The following WFDC12 variants were observed in gnomAD, a reference collection of about 807,000 sequenced individuals.
The protein encoded by WFDC12 is WAP four-disulfide core domain protein 12.
In WFDC12, 4 loss-of-function variants were observed where a neutral mutation model predicts 7.3. That is an observed-to-expected ratio of 0.55 (90% CI 0.27 to 1.25). The LOEUF (loss-of-function observed/expected upper bound fraction) is 1.25, where lower values mean the gene tolerates loss of function less well. WFDC12 is among the 50% of genes most tolerant of loss of function. The probability of loss-of-function intolerance (pLI) is 0.12; values close to 1 mark genes in which losing one functional copy is unlikely to be tolerated. For synonymous variants in WFDC12, 48 were observed against 49.5 expected, an observed-to-expected ratio of 0.97 and a Z score of 0.13; for missense variants, 156 against 134.4, an observed-to-expected ratio of 1.16 and a Z score of -0.80.
chr20:45,123,899 C>G lies in WFDC12; in HGVS notation c.283G>C (p.Gly95Arg). ...EDVSRPYPEP[G>R]WEAKCPGSSS... ...GAGCCTGGACACTTGGCCTCCCATC[C>G]TGGCTCAGGGTATGGCCTTGACACA... The change falls in exon 3 of 3, where the codon GGA becomes CGA. Residue 95 changes from glycine (G) to arginine (R), a missense_variant. Coordinates refer to ENST00000372785, the MANE Select transcript of WFDC12 (RefSeq NM_080869.2). 11 of 1,613,722 alleles carry G rather than the reference C, an allele frequency of 6.8e-6. No individual in the cohort carries two copies. Among genetic ancestry groups the G allele is most frequent in the Non-Finnish European group, 9.3e-6 (11 of 1,179,992 alleles).
chr20:45,124,025 G>C (rs192690924), intron 2 of WFDC12, 82 bp from the exon 3 acceptor site: 2 of 1,604,378 alleles, frequency 1.2e-6, no homozygotes, highest in African/African-American at 2.7e-5. Flanking sequence ...ACCAGCTAAA[G>C]GGACTAATTC....
Position 45,123,606 on chromosome 20 carries a change from T to G in WFDC12, c.*240A>C, listed in dbSNP as rs1321933927. The G allele has an allele frequency of 5.3e-6, 3 of 565,062 alleles. No individual in the cohort carries two copies. The highest frequency in any genetic ancestry group is 9.5e-6 in the Non-Finnish European group (3 of 317,076). 35.0% of individuals were successfully genotyped at this position (565,062 alleles called of 1,614,324 possible). A position where few individuals can be genotyped will look rare whatever the true frequency, so the allele number is the denominator to read the frequency against. Reference sequence around the variant, plus strand: ...TCTTTGGGGTCTCTTATAAGGGCACTGGTTTCATTCATGAGGGGTCCATTC... The same window carrying G: ...TCTTTGGGGTCTCTTATAAGGGCACGGGTTTCATTCATGAGGGGTCCATTC... On this transcript the variant is annotated 3_prime_UTR_variant, in exon 3 of 3. Coordinates refer to ENST00000372785, the MANE Select transcript of WFDC12 (RefSeq NM_080869.2).
Position 45,124,442 on chromosome 20 carries a change from C to G in WFDC12, c.6G>C (p.Gly2=). The G allele has an allele frequency of 1.2e-6, 2 of 1,614,168 alleles. No individual in the cohort carries two copies. Among genetic ancestry groups the G allele is most frequent in the Non-Finnish European group, 1.7e-6 (2 of 1,180,030 alleles). M[G]SSSFLVLMVS... ...CCATGAGGACCAAGAAGCTGCTGGA[C>G]CCCATGTTGCCAGGCAGGTGCTTGG... The change falls in exon 1 of 3, where the codon GGG becomes GGC. Residue 2 remains glycine, a synonymous_variant. Transcript: ENST00000372785.
rs763939278 is a variant in WFDC12, at chr20:45,124,460, G to C, written c.-13C>G. 1.9e-6 allele frequency: 3 copies of C among 1,614,144 alleles called. No individual in the cohort carries two copies. Among genetic ancestry groups the C allele is most frequent in the Non-Finnish European group, 2.5e-6 (3 of 1,179,996 alleles). The stretch of plus-strand genomic sequence containing the variant: ...TGCTGGACCCCATGTTGCCAGGCAG[G>C]TGCTTGGCTGGGAGCTGGGCTGAGC... On this transcript the variant is annotated 5_prime_UTR_variant, in exon 1 of 3. Transcript: ENST00000372785.
In WFDC12 at chr20:45,124,269, G is replaced by A. The variant is rs183825258; in HGVS notation, c.80-4C>T. ...CAAACCCCTGCTTTCTCTATACCTA[G>A]TGGAGGAAGCCACAAGGTGATATGA... On this transcript the variant is annotated splice_region_variant and splice_polypyrimidine_tract_variant and intron_variant, in intron 1 of 2. Transcript: ENST00000372785. The A allele has an allele frequency of 1.9e-6, 3 of 1,614,152 alleles. No individual in the cohort carries two copies. The highest frequency in any genetic ancestry group is 1.7e-5 in the Admixed American group (1 of 60,028).
rs1273474737 is a variant in WFDC12 at position 45,123,881 on chromosome 20, G to T, written c.301C>A (p.Pro101Thr). 1.2e-6 allele frequency: 2 copies of T among 1,613,452 alleles called. No homozygotes were observed. The highest frequency in any genetic ancestry group is 8.5e-7 in the Non-Finnish European group (1 of 1,180,014). ...YPEPGWEAKC[P>T]GSSSTRCPQK ...GGACACCTGGTAGAGGAGGAGCCTG[G>T]ACACTTGGCCTCCCATCCTGGCTCA... Residue 101 changes from proline (P) to threonine (T), a missense_variant, in exon 3 of 3, where the codon CCA becomes ACA. Physicochemically the swap from Pro to Thr is conservative, Grantham distance 38 (BLOSUM62 -1). Transcript: ENST00000372785.
chr20:45,123,682 G>A lies in WFDC12; in HGVS notation c.*164C>T, dbSNP rs1272178232. On this transcript the variant is annotated 3_prime_UTR_variant, in exon 3 of 3. Transcript: ENST00000372785. ...TAGAGAGGGAAAGTACCGTCCCTGG[G>A]GTCTGGACTTTTTGTGACTCTTCCC... 1.4e-6 allele frequency: 1 copy of A among 729,618 alleles called. No individual in the cohort carries two copies. Among genetic ancestry groups the A allele is most frequent in the African/African-American group, 1.8e-5 (1 of 57,038 alleles). 45.2% of individuals were successfully genotyped at this position (729,618 alleles called of 1,614,324 possible). A position where few individuals can be genotyped will look rare whatever the true frequency, so the allele number is the denominator to read the frequency against.
At chr20:45,124,078 C>T in intron 2 of WFDC12, 29 bp downstream of exon 2, 1 of 1,612,992 alleles carries the variant, frequency 6.2e-7, no homozygotes, top group Non-Finnish European at 8.5e-7. Flanking sequence ...GAAGGGACAG[C>T]CCCAGCCCTG....
Position 45,124,199 on chromosome 20 carries a change from C to T in WFDC12, c.146G>A (p.Cys49Tyr). The change falls in exon 2 of 3, where the codon TGT (cysteine) becomes TAT (tyrosine). Residue 49 changes from cysteine to tyrosine, a missense_variant. Transcript: ENST00000372785. ...VRCFKSDPPQ[C>Y]HTDQDCLGER... ...CCCCAGACAGTCCTGGTCTGTGTGA[C>T]ACTGGGGAGGATCGGACTTGAAGCA... The T allele has an allele frequency of 1.2e-6, 2 of 1,614,244 alleles. No individual in the cohort carries two copies. The highest frequency in any genetic ancestry group is 1.7e-6 in the Non-Finnish European group (2 of 1,180,052).
rs1365418420 is a variant in WFDC12 at position 45,123,483 on chromosome 20, T to C, written c.*363A>G. On this transcript the variant is annotated 3_prime_UTR_variant, in exon 3 of 3. Coordinates refer to ENST00000372785, the MANE Select transcript of WFDC12 (RefSeq NM_080869.2). ...GTTCTAGAGGCTGGGAAGTCCAAGA[T>C]CAAGGCACCAGCAGATTCAGCATCT... 3.8e-6 allele frequency: 1 copy of C among 265,222 alleles called. No individual in the cohort carries two copies. Among genetic ancestry groups the C allele is most frequent in the African/African-American group, 2.2e-5 (1 of 44,744 alleles). 16.4% of individuals were successfully genotyped at this position (265,222 alleles called of 1,614,324 possible). A position where few individuals can be genotyped will look rare whatever the true frequency, so the allele number is the denominator to read the frequency against.
Position 45,124,350 on chromosome 20 carries a change from C to G in WFDC12, c.79+19G>C. On this transcript the variant is annotated intron_variant, in intron 1 of 2. Coordinates refer to ENST00000372785, the MANE Select transcript of WFDC12 (RefSeq NM_080869.2). ...CTCTCCCCAGCCCAGCCCCACCCAG[C>G]TCCACCATGTCTGCTCACCCTCTTT... 1 of 1,614,246 alleles carries G rather than the reference C, an allele frequency of 6.2e-7. No homozygotes were observed. Among genetic ancestry groups the G allele is most frequent in the South Asian group, 1.1e-5 (1 of 91,092 alleles).
At chr20:45,124,313 G>A in intron 1 of WFDC12, 48 bp from the exon 2 acceptor site, 2 of 1,613,890 alleles carry the variant, frequency 1.2e-6, no homozygotes, top group Non-Finnish European at 1.7e-6. Flanking sequence ...GCCCCAGAGG[G>A]CCCCTCAGGA....
chr20:45,124,320 A>G (rs941670222), intron 1 of WFDC12, 49 bp downstream of exon 1: 2 of 1,613,974 alleles, frequency 1.2e-6, no homozygotes, highest in Non-Finnish European at 8.5e-7. Flanking sequence ...AGGGCCCCTC[A>G]GGACCTCTCC....
At position 45,124,169 on chromosome 20, in the gene WFDC12, C is replaced by A; in HGVS notation, c.176G>T (p.Arg59Met). Residue 59 changes from arginine to methionine, a missense_variant, in exon 2 of 3, where the codon AGG (arginine) becomes ATG (methionine). By Grantham distance (91) the Arg-to-Met change is moderately conservative. Coordinates refer to ENST00000372785, the MANE Select transcript of WFDC12 (RefSeq NM_080869.2). ...GCCACAGTGCAGGTAACAACACTTCCTTTCCCCCAGACAGTCCTGGTCTGT... is the reference window on the plus strand; with the variant it reads ...GCCACAGTGCAGGTAACAACACTTCATTTCCCCCAGACAGTCCTGGTCTGT... ...CHTDQDCLGE[R>M]KCCYLHCGFK... 1 of 1,614,238 alleles carries A rather than the reference C, an allele frequency of 6.2e-7. No individual in the cohort carries two copies. The highest frequency in any genetic ancestry group is 1.1e-5 in the South Asian group (1 of 91,084).
Position 45,124,230 on chromosome 20 carries a change from C to T in WFDC12, c.115G>A (p.Val39Ile), listed in dbSNP as rs148261601. ...EKAGVCPADN[V>I]RCFKSDPPQC... ...GGAGGATCGGACTTGAAGCAGCGTACGTTGTCAGCTGGGCAAACCCCTGCT... is the reference window on the plus strand; with the variant it reads ...GGAGGATCGGACTTGAAGCAGCGTATGTTGTCAGCTGGGCAAACCCCTGCT... The change falls in exon 2 of 3, where the codon GTA (valine) becomes ATA (isoleucine). Residue 39 changes from valine (V) to isoleucine (I), a missense_variant. Coordinates refer to ENST00000372785, the MANE Select transcript of WFDC12 (RefSeq NM_080869.2). 1.8e-4 allele frequency: 297 copies of T among 1,614,160 alleles called. 2 individuals are homozygous for T. The African/African-American group carries it at 3.2e-3, about 17-fold the overall frequency.
In WFDC12 at chr20:45,123,749, T is replaced by G. The variant is rs1981920834; in HGVS notation, c.*97A>C. ...GACTTCAAGCTCAGGTTTTCTTTGG[T>G]GGGGTTGGGTATTGCTTCTTCCATA... On this transcript the variant is annotated 3_prime_UTR_variant, in exon 3 of 3. Coordinates refer to ENST00000372785, the MANE Select transcript of WFDC12 (RefSeq NM_080869.2). 1 of 1,262,606 alleles carries G rather than the reference T, an allele frequency of 7.9e-7. No individual in the cohort carries two copies. Among genetic ancestry groups the G allele is most frequent in the African/African-American group, 1.5e-5 (1 of 67,054 alleles). The allele number at this position is 1,262,606 out of a possible 1,614,324, so 78.2% of individuals were successfully genotyped here.
chr20:45,123,981 G>A lies in WFDC12; in HGVS notation c.239-38C>T, dbSNP rs374600960. 2.2e-5 allele frequency: 35 copies of A among 1,595,952 alleles called. No homozygotes were observed. The African/African-American group carries it at 4.0e-4, about 18-fold the overall frequency. ...GAGATGTTCAGACTAGGTGGTCTCT[G>A]AGGGCCCTGCCAGCTTTAGCCATCC... On this transcript the variant is annotated intron_variant, in intron 2 of 2. Transcript: ENST00000372785.
At position 45,124,227 on chromosome 20, in the gene WFDC12, G is replaced by C; in HGVS notation, c.118C>G (p.Arg40Gly). ...TGGGGAGGATCGGACTTGAAGCAGC[G>C]TACGTTGTCAGCTGGGCAAACCCCT... ...KAGVCPADNV[R>G]CFKSDPPQCH... is the part of the protein sequence containing the mutation. Residue 40 changes from arginine (R) to glycine (G), a missense_variant, in exon 2 of 3, where the codon CGC (arginine) becomes GGC (glycine). Transcript: ENST00000372785. The C allele has an allele frequency of 6.2e-7, 1 of 1,614,154 alleles. No homozygotes were observed. The highest frequency in any genetic ancestry group is 1.7e-5 in the Admixed American group (1 of 60,024).
chr20:45,123,828 G>T lies in WFDC12; in HGVS notation c.*18C>A. The T allele has an allele frequency of 6.2e-7, 1 of 1,611,576 alleles. No individual in the cohort carries two copies. Among genetic ancestry groups the T allele is most frequent in the East Asian group, 2.2e-5 (1 of 44,882 alleles). On this transcript the variant is annotated 3_prime_UTR_variant, in exon 3 of 3. Coordinates refer to ENST00000372785, the MANE Select transcript of WFDC12 (RefSeq NM_080869.2). ...GTGCCAAGTGAGAGTGACCCCCAGA[G>T]GTAGAAAGGACCCAGCATCATTTCT...
Sources: gnomAD v4.1 joint callset for allele counts on GRCh38, gnomAD v4.1.1 for gene constraint, MANE v1.5 for transcripts, NCBI Gene and HGNC (gene_info 2026-07-23, HGNC 2026-07-21) for gene names.